The following GLIS3 variants were observed in gnomAD, a reference collection of about 807,000 sequenced individuals.
GLIS3 encodes the protein zinc finger protein GLIS3.
A neutral mutation model predicts 78.6 loss-of-function variants in GLIS3; 53 were observed. The observed-to-expected ratio is 0.67, with a 90% CI of 0.54 to 0.85. GLIS3 has a LOEUF of 0.85. Ranked by LOEUF, GLIS3 falls within the 40% of genes least tolerant of loss-of-function variation. The probability of loss-of-function intolerance (pLI) is 0.00; values close to 1 mark genes in which losing one functional copy is unlikely to be tolerated. For missense variants in GLIS3, 1,703 were observed against 1,231.1 expected, an observed-to-expected ratio of 1.38 and a Z score of -5.74; for synonymous variants, 684 against 509.9, an observed-to-expected ratio of 1.34 and a Z score of -4.60.
chr9:4,146,253 T>A (rs1185311019), intron 2 of GLIS3, among the ~76,000 whole-genome samples: 1 of 152,184 alleles, frequency 6.6e-6, no homozygotes, highest in Non-Finnish European at 1.5e-5. Flanking sequence ...GGGGGACACC[T>A]TACTAACTTA....
chr9:4,309,828 GAA>G (rs1817316246), intron 3 of GLIS3, among the ~76,000 whole-genome samples: 1 of 151,946 alleles, frequency 6.6e-6, no homozygotes, highest in South Asian at 2.1e-4. Flanking sequence ...GGATAACTCC[GAA>G]AGAGACATGT....
chr9:4,489,345 C>G, the GLIS3 span, among the ~76,000 whole-genome samples: 2 of 152,184 alleles, frequency 1.3e-5, no homozygotes, highest in African/African-American at 4.8e-5. Flanking sequence ...TCAATTTACA[C>G]CAAAGGGATG....
intron 2 of GLIS3, among the ~76,000 whole-genome samples, chr9:4,176,775 G>A (rs1017604468): frequency 1.3e-5 from 2 of 152,054 alleles, no homozygotes; most frequent in Non-Finnish European, 2.9e-5. Flanking sequence ...AGACACCTGC[G>A]ACCACGCCCA....
At chr9:4,398,888 C>G in the GLIS3 span, among the ~76,000 whole-genome samples, 1 of 152,108 alleles carries the variant, frequency 6.6e-6, no homozygotes, top group African/African-American at 2.4e-5. Flanking sequence ...AGGGTTTCAC[C>G]ATATTGGCCA....
chr9:4,051,898 C>T (rs901649568), intron 4 of GLIS3, among the ~76,000 whole-genome samples: 1 of 152,138 alleles, frequency 6.6e-6, no homozygotes, highest in African/African-American at 2.4e-5. Flanking sequence ...AAGGTACTAA[C>T]GTTTATAGAT....
At chr9:4,053,386 G>A (rs752167167) in intron 4 of GLIS3, among the ~76,000 whole-genome samples, 3 of 152,062 alleles carry the variant, frequency 2.0e-5, no homozygotes, top group Non-Finnish European at 4.4e-5. Context: ...AAGTTGCAAA[G>A]CTCCTCCTCC....
chr9:3,866,165 A>G (rs1022892644), intron 8 of GLIS3, among the ~76,000 whole-genome samples: 5 of 152,232 alleles, frequency 3.3e-5, no homozygotes, highest in Admixed American at 3.3e-4. Context: ...GGCTTCTCCT[A>G]TCAGCACTGA....
intron 4 of GLIS3, among the ~76,000 whole-genome samples, chr9:4,008,319 G>C (rs989658928): frequency 1.3e-5 from 2 of 152,232 alleles, no homozygotes; most frequent in South Asian, 2.1e-4. Flanking sequence ...GGCATCTCAG[G>C]CAGGCTCAGA....
At chr9:4,352,228 C>T (rs1349802775), upstream of GLIS3, among the ~76,000 whole-genome samples, 1 of 152,174 alleles carries the variant, frequency 6.6e-6, no homozygotes, top group Admixed American at 6.5e-5. Context: ...CAGGCGACAC[C>T]CAGTTGTGTT....
chr9:4,086,332 CCTCT>C (rs1052014079), intron 4 of GLIS3, among the ~76,000 whole-genome samples: 2 of 152,204 alleles, frequency 1.3e-5, no homozygotes, highest in Non-Finnish European at 2.9e-5. Context: ...TTCATTCCCT[CCTCT>C]GAGTTATCAC....
intron 2 of GLIS3, among the ~76,000 whole-genome samples, chr9:4,268,668 C>T (rs4741930): frequency 0.41 from 61,692 of 151,908 alleles, 12,795 homozygotes; most frequent in African/African-American, 0.47. Flanking sequence ...TTGATTGACA[C>T]CCACATAGAA....
chr9:4,256,950 G>A (rs1825003129), intron 2 of GLIS3, among the ~76,000 whole-genome samples: 4 of 152,256 alleles, frequency 2.6e-5, no homozygotes. Flanking sequence ...CAACTGAAAT[G>A]TCCCTCAACA....
At chr9:4,417,398 GATA>G in the GLIS3 span, among the ~76,000 whole-genome samples, 1 of 152,162 alleles carries the variant, frequency 6.6e-6, no homozygotes, top group African/African-American at 2.4e-5. Context: ...ACACTTTGAA[GATA>G]AATCAATCAT....
chr9:4,278,192 T>C (rs79774907), intron 2 of GLIS3, among the ~76,000 whole-genome samples: 1,714 of 152,308 alleles, frequency 0.011, 33 homozygotes, highest in African/African-American at 0.039. Flanking sequence ...TGTATTTTAA[T>C]TGGAACTCAC....
At chr9:4,350,979 T>G (rs576847672), upstream of GLIS3, among the ~76,000 whole-genome samples, 2 of 152,188 alleles carry the variant, frequency 1.3e-5, no homozygotes, top group Non-Finnish European at 2.9e-5. Context: ...GGGCCCTGTG[T>G]GTCTGTGTAG....
At chr9:3,916,986 G>A (rs964680358) in intron 6 of GLIS3, among the ~76,000 whole-genome samples, 3 of 152,210 alleles carry the variant, frequency 2.0e-5, no homozygotes, top group Non-Finnish European at 4.4e-5. Context: ...AGGGCACAAA[G>A]AGGTAACTCT....
At chr9:4,259,553 G>A (rs957986578) in intron 2 of GLIS3, among the ~76,000 whole-genome samples, 20 of 152,058 alleles carry the variant, frequency 1.3e-4, no homozygotes, top group Admixed American at 3.9e-4. Context: ...TCCCCCCACC[G>A]CCCACCCCAT....
the GLIS3 span, among the ~76,000 whole-genome samples, chr9:4,455,092 T>C: frequency 6.6e-6 from 1 of 152,192 alleles, no homozygotes; most frequent in Non-Finnish European, 1.5e-5. Flanking sequence ...TCCAAGATAG[T>C]AATCAATTTC....
chr9:4,413,531 A>G, the GLIS3 span, among the ~76,000 whole-genome samples: 2 of 152,192 alleles, frequency 1.3e-5, no homozygotes, highest in African/African-American at 4.8e-5. Flanking sequence ...TTCCACCTCT[A>G]AAGAATCATC....
Sources: allele counts gnomAD v4.1 joint callset (sites outside exome capture counted in the v4.1 genomes callset), GRCh38; gene constraint gnomAD v4.1.1; transcripts MANE v1.5; gene names NCBI Gene and HGNC (gene_info 2026-07-23, HGNC 2026-07-21).